Variants in PTGR1 observed in about 807,000 individuals in gnomAD.
PTGR1 encodes 15-oxoprostaglandin 13-reductase.
PTGR1 carries 23 observed loss-of-function variants against 37.7 expected under a neutral mutation model. The ratio of observed to expected loss-of-function variants is 0.61; its 90% CI spans 0.44 to 0.86. PTGR1 has a LOEUF of 0.86. PTGR1 is among the 40% of genes least tolerant of loss of function. PTGR1 has a pLI of 0.00. For synonymous variants in PTGR1, 134 were observed against 140.0 expected, an observed-to-expected ratio of 0.96 and a Z score of 0.30; for missense variants, 351 against 394.3, an observed-to-expected ratio of 0.89 and a Z score of 0.93.
At chr9:111,570,575 C>G (rs1021666362) in intron 8 of PTGR1, among the ~76,000 whole-genome samples, 5 of 151,562 alleles carry the variant, frequency 3.3e-5, no homozygotes, top group African/African-American at 1.2e-4. Flanking sequence ...TCGAGACCAG[C>G]CTGGCCAACA....
At chr9:111,556,735 G>A (rs1326448976) in intron 9 of PTGR1, among the ~76,000 whole-genome samples, 4 of 152,200 alleles carry the variant, frequency 2.6e-5, no homozygotes, top group Non-Finnish European at 4.4e-5. Context: ...TTGTTTAGAA[G>A]TGTGTAGCAT....
At chr9:111,585,613 A>G (rs1829405452) in intron 5 of PTGR1, among the ~76,000 whole-genome samples, 1 of 152,184 alleles carries the variant, frequency 6.6e-6, no homozygotes, top group African/African-American at 2.4e-5. Context: ...CCGGCCCCTG[A>G]TAACTATCAT....
intron 9 of PTGR1, among the ~76,000 whole-genome samples, chr9:111,564,740 G>C (rs1342991680): frequency 6.6e-6 from 1 of 152,166 alleles, no homozygotes; most frequent in Admixed American, 6.5e-5. Context: ...GGACTGAATT[G>C]TATGCCCCCA....
intron 1 of PTGR1, chr9:111,599,384 G>C (rs1328465700): frequency 6.6e-6 from 1 of 152,344 alleles, no homozygotes; most frequent in Non-Finnish European, 1.5e-5. Context: ...CCTCCGGCGC[G>C]CGGCTCCAAG....
intron 9 of PTGR1, 121 bp downstream of exon 9, chr9:111,569,970 C>T: frequency 6.8e-7 from 1 of 1,479,168 alleles, no homozygotes; most frequent in Non-Finnish European, 9.2e-7. Context: ...CACAATGACC[C>T]AATAGGGAAA....
At chr9:111,588,485 C>T (rs1166606745) in intron 4 of PTGR1, among the ~76,000 whole-genome samples, 1 of 151,872 alleles carries the variant, frequency 6.6e-6, no homozygotes, top group Non-Finnish European at 1.5e-5. Flanking sequence ...CCGCCTCGGC[C>T]TCCCAAATTG....
chr9:111,561,179 A>AGAGAGAGAGAGAG (rs1828309828), downstream of PTGR1, among the ~76,000 whole-genome samples: 2 of 45,540 alleles, frequency 4.4e-5, no homozygotes, highest in South Asian at 6.9e-4. Flanking sequence ...GAGAGAGAGA[A>AGAGAGAGAGAGAG]AGAGAGAGAG....
intron 9 of PTGR1, among the ~76,000 whole-genome samples, chr9:111,568,790 A>G (rs537340128): frequency 1.3e-5 from 2 of 152,362 alleles, no homozygotes; most frequent in African/African-American, 4.8e-5. Flanking sequence ...AAAAATAGAA[A>G]GAACCTATGT....
At chr9:111,578,721 G>T in intron 7 of PTGR1, 75 bp downstream of exon 7, 2 of 1,353,396 alleles carry the variant, frequency 1.5e-6, no homozygotes, top group Non-Finnish European at 2.0e-6. Flanking sequence ...ACCATCCATG[G>T]CCCAGGGGTA....
intron 4 of PTGR1, chr9:111,589,202 G>A (rs56101614): frequency 0.061 from 10,254 of 167,932 alleles, 441 homozygotes; most frequent in Non-Finnish European, 0.096. Flanking sequence ...AAACGTATAA[G>A]ACCTATATGA....
chr9:111,551,409 T>G lies in PTGR1; in HGVS notation c.880-1610A>C, dbSNP rs1004247043. 3.9e-3 allele frequency among the ~76,000 whole-genome samples: 522 copies of G among 134,590 alleles called. 3 individuals are homozygous for G. The highest frequency in any genetic ancestry group is 0.013 in the African/African-American group (441 of 33,452). 88.3% of individuals were successfully genotyped at this position (134,590 alleles called of 152,430 possible). On this transcript the variant is annotated intron_variant, in intron 9 of 9. Transcript: ENST00000538962. ...CAAGTATCCAGTTTTTGTTTTTTTT[T>G]TTTTTTTTTTTTTTTTGAGATGGAG...
At chr9:111,561,183 G>GAGAGAGAA (rs1564608271), downstream of PTGR1, among the ~76,000 whole-genome samples, 1 of 130,680 alleles carries the variant, frequency 7.7e-6, no homozygotes, top group African/African-American at 3.0e-5. Flanking sequence ...GAGAGAAAGA[G>GAGAGAGAA]AGAGAGATTC....
At chr9:111,587,853 G>A (rs1047326867) in intron 4 of PTGR1, among the ~76,000 whole-genome samples, 4 of 151,916 alleles carry the variant, frequency 2.6e-5, no homozygotes, top group Admixed American at 6.6e-5. Context: ...TTTTTTCCAT[G>A]TTAGTAAGAA....
chr9:111,551,839 C>G (rs1221008147), intron 9 of PTGR1, among the ~76,000 whole-genome samples: 1 of 152,134 alleles, frequency 6.6e-6, no homozygotes, highest in Admixed American at 6.5e-5. Context: ...TTATTAGCAT[C>G]AAATTTGATG....
At chr9:111,588,343 CCCA>C (rs1829505166) in intron 4 of PTGR1, among the ~76,000 whole-genome samples, 1 of 151,544 alleles carries the variant, frequency 6.6e-6, no homozygotes, top group South Asian at 2.1e-4. Flanking sequence ...ACTACAGGTG[CCCA>C]CCACACCAAA....
At chr9:111,591,385 T>G (rs1294643353) in intron 4 of PTGR1, among the ~76,000 whole-genome samples, 1 of 146,840 alleles carries the variant, frequency 6.8e-6, no homozygotes, top group Non-Finnish European at 1.5e-5. Context: ...TTTTTTTTTT[T>G]TTTTGAGATG....
At chr9:111,580,573 C>G (rs1203897341) in intron 6 of PTGR1, among the ~76,000 whole-genome samples, 1 of 151,920 alleles carries the variant, frequency 6.6e-6, no homozygotes, top group African/African-American at 2.4e-5. Context: ...CTGACCAACA[C>G]GGAGAAACCC....
chr9:111,560,966 TATATATATAGAGAGAGAGAGAGAGAG>T (rs1356502007), downstream of PTGR1, among the ~76,000 whole-genome samples: 1 of 45,382 alleles, frequency 2.2e-5, no homozygotes, highest in Non-Finnish European at 4.0e-5. Context: ...TATATATATA[TATATATATAGAGAGAGAGAGAGAGAG>T]AGAGAGAGAG....
At position 111,578,856 on chromosome 9, in the gene PTGR1, C is replaced by T. The variant is rs373443340; in HGVS notation, c.591G>A (p.Glu197=). The change falls in exon 7 of 10, where the codon GAG becomes GAA. Residue 197 remains glutamate, a synonymous_variant. Transcript: ENST00000407693. ...FDVVFNYKTV[E]SLEETLKKAS... is the part of the protein sequence containing the mutation. ...CTTTCTTCAAGGTTTCTTCCAAAGA[C>T]TCTACCGTCTTGTAGTTAAAGACGA... 2.3e-4 allele frequency: 369 copies of T among 1,612,716 alleles called. No individual in the cohort carries two copies. The highest frequency in any genetic ancestry group is 3.0e-4 in the Non-Finnish European group (348 of 1,179,534).
Sources: allele counts gnomAD v4.1 joint callset (sites outside exome capture counted in the v4.1 genomes callset), GRCh38; gene constraint gnomAD v4.1.1; transcripts MANE v1.5; gene names NCBI Gene and HGNC (gene_info 2026-07-23, HGNC 2026-07-21).